Variants in WNK2 observed in about 807,000 individuals in gnomAD.
WNK2 encodes serine/threonine-protein kinase WNK2.
In WNK2, 67 loss-of-function variants were observed where a neutral mutation model predicts 192.1. That is an observed-to-expected ratio of 0.35 (90% CI 0.29 to 0.43). The LOEUF is 0.43. Among genes scored for constraint, WNK2 ranks in the 20% least tolerant of loss-of-function variants. The probability of loss-of-function intolerance (pLI) is 1.00; values close to 1 mark genes in which losing one functional copy is unlikely to be tolerated. For missense variants in WNK2, 2,698 were observed against 3,089.7 expected, an observed-to-expected ratio of 0.87 and a Z score of 3.01; for synonymous variants, 1,439 against 1,393.9, an observed-to-expected ratio of 1.03 and a Z score of -0.72.
At chr9:93,317,840 G>A in intron 29 of WNK2, 1 of 1,515,304 alleles carries the variant, frequency 6.6e-7, no homozygotes, top group Non-Finnish European at 8.9e-7. Context: ...CCCGGCTGCG[G>A]ATCACGTAGC....
chr9:93,273,413 C>G (rs1007545776), intron 19 of WNK2, among the ~76,000 whole-genome samples: 9 of 152,236 alleles, frequency 5.9e-5, no homozygotes, highest in African/African-American at 2.2e-4. Context: ...CTCGGCCTCC[C>G]AAAGTGCTGG....
intron 2 of WNK2, among the ~76,000 whole-genome samples, chr9:93,198,831 C>G (rs1831784399): frequency 6.6e-6 from 1 of 152,220 alleles, no homozygotes; most frequent in Non-Finnish European, 1.5e-5. Context: ...CCTTTTCCAG[C>G]CCTGCCCTCT....
chr9:93,227,491 AC>A (rs987330727), intron 2 of WNK2, among the ~76,000 whole-genome samples: 3 of 151,820 alleles, frequency 2.0e-5, no homozygotes, highest in Admixed American at 2.0e-4. Flanking sequence ...TTTCCCAGCG[AC>A]TGATGATGCT....
chr9:93,204,312 CAGA>C (rs910239247), intron 2 of WNK2, among the ~76,000 whole-genome samples: 3 of 152,132 alleles, frequency 2.0e-5, no homozygotes, highest in Non-Finnish European at 2.9e-5. Flanking sequence ...CGAGGGCGGG[CAGA>C]AGAACTGATG....
intron 7 of WNK2, among the ~76,000 whole-genome samples, chr9:93,241,079 A>T (rs750449751): frequency 1.4e-4 from 21 of 152,230 alleles, no homozygotes; most frequent in Non-Finnish European, 2.8e-4. Context: ...CCAGAGAGGG[A>T]CAGTGGTGGG....
chr9:93,210,140 C>A (rs58436998), intron 2 of WNK2, among the ~76,000 whole-genome samples: 4,096 of 152,264 alleles, frequency 0.027, 168 homozygotes, highest in African/African-American at 0.088. Context: ...CTGCCGACGG[C>A]CTCATGCACT....
chr9:93,318,626 C>T, intron 29 of WNK2: 3 of 1,586,318 alleles, frequency 1.9e-6, no homozygotes, highest in Non-Finnish European at 2.6e-6. Flanking sequence ...AAGTGCAGCT[C>T]CTCCAGCTGG....
Position 93,303,001 on chromosome 9 carries a change from C to G in WNK2, c.6214+2852C>G, listed in dbSNP as rs564905634. Among the ~76,000 whole-genome samples, 115 of 152,294 alleles carry G rather than the reference C, an allele frequency of 7.6e-4. 1 individual carries two copies. Among genetic ancestry groups the G allele is most frequent in the African/African-American group, 2.5e-3 (103 of 41,558 alleles). ...CGGCAAGATCTCAGCTCACTGCAAC[C>G]TCCGCTTCCCTGACTCAAGCAATCT... On this transcript the variant is annotated intron_variant, in intron 26 of 29. Transcript: ENST00000427277.
chr9:93,201,473 G>T (rs1832346080), intron 2 of WNK2, among the ~76,000 whole-genome samples: 3 of 152,372 alleles, frequency 2.0e-5, no homozygotes, highest in Non-Finnish European at 4.4e-5. Context: ...TGGCCATGAG[G>T]CTCATTCTTC....
chr9:93,200,452 G>A (rs1404906706), intron 2 of WNK2, among the ~76,000 whole-genome samples: 1 of 152,230 alleles, frequency 6.6e-6, no homozygotes, highest in African/African-American at 2.4e-5. Context: ...GTGTTGGGGA[G>A]CCCAGTTGCT....
rs117394231 is a variant in WNK2 at position 93,290,811 on chromosome 9, C to T, written c.4936+764C>T. On this transcript the variant is annotated intron_variant, in intron 21 of 29. Coordinates refer to ENST00000427277, the MANE Select transcript of WNK2 (RefSeq NM_006648.4). The stretch of plus-strand genomic sequence containing the variant: ...CCCTTGTGGCTCTTGGCTGCCACTG[C>T]GTCTCTGTGGAAACACCTTTGCTTT... Among the ~76,000 whole-genome samples, 1,343 of 152,336 alleles carry T rather than the reference C, an allele frequency of 8.8e-3. 13 individuals carry two copies. The highest frequency in any genetic ancestry group is 0.014 in the Middle Eastern group (4 of 294).
At chr9:93,299,769 C>G (rs1851267687) in intron 25 of WNK2, among the ~76,000 whole-genome samples, 1 of 152,194 alleles carries the variant, frequency 6.6e-6, no homozygotes, top group Non-Finnish European at 1.5e-5. Context: ...AAGGTGCTCT[C>G]CTGTCCTCAC....
Position 93,185,287 on chromosome 9 carries a change from G to C in WNK2, c.358G>C (p.Gly120Arg). 1.4e-6 allele frequency: 2 copies of C among 1,387,794 alleles called. No individual in the cohort carries two copies. The highest frequency in any genetic ancestry group is 1.9e-6 in the Non-Finnish European group (2 of 1,077,868). 86.0% of individuals were successfully genotyped at this position (1,387,794 alleles called of 1,614,324 possible). A position where few individuals can be genotyped will look rare whatever the true frequency, so the allele number is the denominator to read the frequency against. Residue 120 changes from glycine (G) to arginine (R), a missense_variant, in exon 2 of 30, where the codon GGC becomes CGC. Coordinates refer to ENST00000427277, the MANE Select transcript of WNK2 (RefSeq NM_006648.4). ...CGCGGACGCCGGCCCCGAGCCCGTG[G>C]GCACGCAGGAGCCCGGCCCGGACCC... ...APADAGPEPVGTQEPGPDPIA... is the reference protein window; with the variant it reads ...APADAGPEPVRTQEPGPDPIA...
intron 7 of WNK2, 148 bp downstream of exon 7, chr9:93,240,124 G>A (rs1840504570): frequency 6.9e-6 from 6 of 863,550 alleles, no homozygotes; most frequent in Non-Finnish European, 1.1e-5. Flanking sequence ...GCAGGTGTGG[G>A]CAGCTGAGGT....
At chr9:93,265,355 G>A (rs1346042986) in intron 16 of WNK2, among the ~76,000 whole-genome samples, 1 of 152,218 alleles carries the variant, frequency 6.6e-6, no homozygotes, top group African/African-American at 2.4e-5. Context: ...TGGGTGAGAG[G>A]CTTTGTTCAA....
chr9:93,271,419 G>T (rs1845986034), intron 19 of WNK2, among the ~76,000 whole-genome samples: 1 of 152,200 alleles, frequency 6.6e-6, no homozygotes. Context: ...GGTAGCCATG[G>T]TGCCAGTGAC....
At position 93,257,620 on chromosome 9, in the gene WNK2, T is replaced by C. The variant is rs1354577911; in HGVS notation, c.2382+481T>C. Among the ~76,000 whole-genome samples the C allele has an allele frequency of 6.6e-6, 1 of 152,212 alleles. No homozygotes were observed. The highest frequency in any genetic ancestry group is 1.9e-4 in the East Asian group (1 of 5,198). ...CGTGGACAGTCCTTGAAGTGGTTGC[T>C]GGGTTGGCACAGAAAGCAGGTAGGT... On this transcript the variant is annotated intron_variant, in intron 11 of 29. Transcript: ENST00000427277. The surrounding 1 kb of genome is among the most constrained non-coding windows in gnomAD (Gnocchi z 4.7).
At chr9:93,190,017 T>A (rs1349380105) in intron 2 of WNK2, among the ~76,000 whole-genome samples, 1 of 152,236 alleles carries the variant, frequency 6.6e-6, no homozygotes, top group Non-Finnish European at 1.5e-5. Flanking sequence ...TCACCCCTTT[T>A]AAAAATTCTC....
rs1848903785 is a variant in WNK2, at chr9:93,289,073, A to T, written c.4319A>T (p.His1440Leu). Residue 1440 changes from histidine to leucine, a missense_variant, in exon 20 of 30, where the codon CAC becomes CTC. His to Leu is a moderately conservative substitution (Grantham distance 99). This residue lies in a region of WNK2 where 1,098 missense variants were observed against 1,101.0 expected (regional missense o/e 1.00). Transcript: ENST00000427277. ...ACGTCTCAGCCACTAGCGGAGACTC[A>T]CGAGGCCCCGCTTGCTGTGCAGCCC... ...LETSQPLAET[H>L]EAPLAVQPLV... 5.6e-6 allele frequency: 9 copies of T among 1,607,460 alleles called. No homozygotes were observed. Among genetic ancestry groups the T allele is most frequent in the Middle Eastern group, 1.6e-4 (1 of 6,070 alleles).
Sources: allele counts gnomAD v4.1 joint callset (sites outside exome capture counted in the v4.1 genomes callset), GRCh38; gene constraint gnomAD v4.1.1; regional missense constraint gnomAD v4.1.1; non-coding constraint Gnocchi (gnomAD v3.1); transcripts MANE v1.5; gene names NCBI Gene and HGNC (gene_info 2026-07-23, HGNC 2026-07-21).